The following APOB variants were observed in gnomAD, a reference collection of about 807,000 sequenced individuals.
APOB encodes apolipoprotein B, also known as apolipoprotein B-100.
In APOB, 153 loss-of-function variants were observed where a neutral mutation model predicts 314.1. The observed-to-expected ratio is 0.49, with a 90% CI of 0.43 to 0.56. The LOEUF (loss-of-function observed/expected upper bound fraction) is 0.56, where lower values mean the gene tolerates loss of function less well. APOB is among the 20% of genes least tolerant of loss of function. APOB has a pLI of 0.00. For missense variants in APOB, 5,430 were observed against 5,350.7 expected (o/e 1.01, Z -0.46); for synonymous variants, 2,087 against 2,036.4 (o/e 1.02, Z -0.67).
At chr2:21,029,538 G>T in intron 12 of APOB, 101 bp downstream of exon 12, 1 of 1,333,640 alleles carries the variant, frequency 7.5e-7, no homozygotes, top group Non-Finnish European at 1.1e-6. Flanking sequence ...AGAAACAGCA[G>T]AATAAAGTCA....
At position 21,012,554 on chromosome 2, in the gene APOB, A is replaced by C; in HGVS notation, c.4314T>G (p.Ser1438Arg). ...GGTTGTTTCCAAGTTTTTCTACATGACTGAATTTGATATTCGAATCTAGAA... is the reference window on the plus strand; with the variant it reads ...GGTTGTTTCCAAGTTTTTCTACATGCCTGAATTTGATATTCGAATCTAGAA... Reference protein sequence around the residue: ...HKFLDSNIKFSHVEKLGNNPV... With the variant: ...HKFLDSNIKFRHVEKLGNNPV... The change falls in exon 26 of 29, where the codon AGT (serine) becomes AGG (arginine). Residue 1438 changes from serine (S) to arginine (R), a missense_variant. By Grantham distance (110) the Ser-to-Arg change is moderately radical. Around this residue, in one of 3 missense-constraint regions of APOB, gnomAD observed 2,085 missense variants for 2,079.7 expected, o/e 1.00. Coordinates refer to ENST00000233242, the MANE Select transcript of APOB (RefSeq NM_000384.3). The C allele has an allele frequency of 6.2e-7, 1 of 1,614,182 alleles. No individual in the cohort carries two copies. Among genetic ancestry groups the C allele is most frequent in the Non-Finnish European group, 8.5e-7 (1 of 1,180,008 alleles).
At chr2:21,013,833 AT>A (rs1269609535) in intron 24 of APOB, among the ~76,000 whole-genome samples, 1 of 152,222 alleles carries the variant, frequency 6.6e-6, no homozygotes, top group East Asian at 1.9e-4. Flanking sequence ...AGAGCATGTC[AT>A]AATTTTGCTT....
Position 21,002,209 on chromosome 2 carries a change from C to A in APOB, c.13213G>T (p.Glu4405Ter). ...TTCTTGATCAGACTGACTATCTTTT[C>A]TTCAAGTTCATAATATTTCACTGTC... is the stretch of plus-strand genomic sequence containing the variant. Reference protein sequence around the residue: ...GWTVKYYELEEKIVSLIKNLL... With the variant: ...GWTVKYYELE The change falls in exon 29 of 29, where the codon GAA becomes TAA. Residue 4405 changes from glutamate to a stop codon, truncating the protein, a stop_gained. Coordinates refer to ENST00000233242, the MANE Select transcript of APOB (RefSeq NM_000384.3). LOFTEE classifies it low-confidence loss of function (END_TRUNC). 6.2e-7 allele frequency: 1 copy of A among 1,613,922 alleles called. No individual in the cohort carries two copies. The highest frequency in any genetic ancestry group is 8.5e-7 in the Non-Finnish European group (1 of 1,179,962).
chr2:21,026,082 A>G (rs1014612045), intron 15 of APOB, among the ~76,000 whole-genome samples: 1 of 152,238 alleles, frequency 6.6e-6, no homozygotes, highest in Non-Finnish European at 1.5e-5. Flanking sequence ...TGTGCTTGGC[A>G]TTTTAGATGC....
intron 15 of APOB, among the ~76,000 whole-genome samples, chr2:21,026,352 A>G (rs1219735107): frequency 6.6e-6 from 1 of 151,832 alleles, no homozygotes; most frequent in Non-Finnish European, 1.5e-5. Context: ...GGTTCAAGCA[A>G]TTCTCCTGTC....
chr2:21,040,098 A>C (rs1387434161), intron 4 of APOB, among the ~76,000 whole-genome samples: 1 of 151,974 alleles, frequency 6.6e-6, no homozygotes, highest in Non-Finnish European at 1.5e-5. Context: ...GTGTCGGGAG[A>C]TCTGATGGTT....
rs753975855 is a variant in APOB at position 21,035,661 on chromosome 2, G to A, written c.741C>T (p.Tyr247=). Residue 247 remains tyrosine (Y), a synonymous_variant, in exon 7 of 29, where the codon TAC becomes TAT. Coordinates refer to ENST00000233242, the MANE Select transcript of APOB (RefSeq NM_000384.3). ...TLISSSQSCQ[Y]TLDAKRKHVA... is the part of the protein sequence containing the mutation. ...CATGCTTCCTCTTAGCGTCCAGTGT[G>A]TACTGACAGGACTGGCTGCTGCTGA... is the stretch of plus-strand genomic sequence containing the variant. 6.8e-6 allele frequency: 11 copies of A among 1,613,966 alleles called. No homozygotes were observed. Among genetic ancestry groups the A allele is most frequent in the African/African-American group, 1.3e-5 (1 of 74,950 alleles).
chr2:21,043,985 C>A lies in APOB; in HGVS notation c.-40G>T, dbSNP rs945871379. On this transcript the variant is annotated 5_prime_UTR_variant, in exon 1 of 29. Transcript: ENST00000233242. ...GGGCGGCTCCTGGGCTGCGGCCTGGCCTCGGCCTCGCGGCCCTGGCTGGCT... is the reference window on the plus strand; with the variant it reads ...GGGCGGCTCCTGGGCTGCGGCCTGGACTCGGCCTCGCGGCCCTGGCTGGCT... 1.6e-5 allele frequency: 18 copies of A among 1,107,396 alleles called. No individual in the cohort carries two copies. The highest frequency in any genetic ancestry group is 2.1e-5 in the Non-Finnish European group (18 of 876,790). The allele number at this position is 1,107,396 out of a possible 1,614,324, so 68.6% of individuals were successfully genotyped here.
At position 21,032,448 on chromosome 2, in the gene APOB, C is replaced by T. The variant is rs192004342; in HGVS notation, c.1258G>A (p.Glu420Lys). Residue 420 changes from glutamate to lysine, a missense_variant, in exon 10 of 29, where the codon GAG becomes AAG. Glu to Lys is a moderately conservative substitution (Grantham distance 56). This residue lies in a region of APOB where 2,085 missense variants were observed against 2,079.7 expected (regional missense o/e 1.00). Coordinates refer to ENST00000233242, the MANE Select transcript of APOB (RefSeq NM_000384.3). Reference sequence around the variant, plus strand: ...TCTCGCAGCTGCTGTGCTGAGGGCTCGGGGATCAGGGCCACCAGGTAGGTG... The same window carrying T: ...TCTCGCAGCTGCTGTGCTGAGGGCTTGGGGATCAGGGCCACCAGGTAGGTG... ...VVTYLVALIP[E>K]PSAQQLREIF... The T allele has an allele frequency of 4.0e-5, 64 of 1,613,982 alleles. No individual in the cohort carries two copies. In the Middle Eastern group the frequency reaches 4.9e-4, roughly 12 times the overall value.
chr2:21,009,088 G>A lies in APOB; in HGVS notation c.7780C>T (p.Leu2594Phe). 6.2e-7 allele frequency: 1 copy of A among 1,614,060 alleles called. No homozygotes were observed. The highest frequency in any genetic ancestry group is 8.5e-7 in the Non-Finnish European group (1 of 1,179,950). ...GFTVPEIKTI[L>F]GTMPAFEVSL... Reference sequence around the variant, plus strand: ...ACTTCAAAGGCAGGCATGGTCCCAAGGATGGTCTTGATTTCAGGAACAGTG... The same window carrying A: ...ACTTCAAAGGCAGGCATGGTCCCAAAGATGGTCTTGATTTCAGGAACAGTG... The change falls in exon 26 of 29, where the codon CTT (leucine) becomes TTT (phenylalanine). Residue 2594 changes from leucine to phenylalanine, a missense_variant. Physicochemically the swap from Leu to Phe is conservative, Grantham distance 22 (BLOSUM62 0). Around this residue, in one of 3 missense-constraint regions of APOB, gnomAD observed 3,281 missense variants for 3,171.0 expected, o/e 1.03. Transcript: ENST00000233242.
Position 21,029,680 on chromosome 2 carries a change from C to A in APOB, c.1576G>T (p.Ala526Ser). 1 of 1,614,206 alleles carries A rather than the reference C, an allele frequency of 6.2e-7. No homozygotes were observed. The highest frequency in any genetic ancestry group is 8.5e-7 in the Non-Finnish European group (1 of 1,180,040). The stretch of plus-strand genomic sequence containing the variant: ...ATTTTCCGCAGAGCCTGGATGGCAG[C>A]TTTCTGGATCATCAGTGATGGCTTT... ...STKPSLMIQK[A>S]AIQALRKMEP... The change falls in exon 12 of 29, where the codon GCT (alanine) becomes TCT (serine). Residue 526 changes from alanine (A) to serine (S), a missense_variant. Coordinates refer to ENST00000233242, the MANE Select transcript of APOB (RefSeq NM_000384.3).
At chr2:21,023,119 C>CA in intron 17 of APOB, 77 bp from the exon 18 acceptor site, 5 of 1,265,676 alleles carry the variant, frequency 4.0e-6, no homozygotes, top group Non-Finnish European at 5.8e-6. Flanking sequence ...CACCCTTTCT[C>CA]ACCTCCGGGC....
Position 21,007,848 on chromosome 2 carries a change from A to G in APOB, c.9020T>C (p.Met3007Thr), listed in dbSNP as rs369430233. The G allele has an allele frequency of 3.7e-6, 6 of 1,613,980 alleles. No individual in the cohort carries two copies. Among genetic ancestry groups the G allele is most frequent in the Non-Finnish European group, 5.1e-6 (6 of 1,179,972 alleles). The change falls in exon 26 of 29, where the codon ATG becomes ACG. Residue 3007 changes from methionine to threonine, a missense_variant. This residue lies in a region of APOB where 3,281 missense variants were observed against 3,171.0 expected (regional missense o/e 1.03). Transcript: ENST00000233242. ...VGHSVLTAKG[M>T]ALFGEGKAEF... is the part of the protein sequence containing the mutation. The stretch of plus-strand genomic sequence containing the variant: ...TGCCTTCCCTTCTCCAAACAGTGCC[A>G]TGCCTTTAGCAGTTAGAACACTGTG...
Position 21,008,030 on chromosome 2 carries a change from A to C in APOB, c.8838T>G (p.Ile2946Met). Residue 2946 changes from isoleucine to methionine, a missense_variant, in exon 26 of 29, where the codon ATT becomes ATG. By Grantham distance (10) the Ile-to-Met change is conservative. Transcript: ENST00000233242. Reference sequence around the variant, plus strand: ...TGAGGGGTCCTTCTATGGTGAAACTAATTTGTGATTCATGTGTTCCCTCAT... The same window carrying C: ...TGAGGGGTCCTTCTATGGTGAAACTCATTTGTGATTCATGTGTTCCCTCAT... ...FSDEGTHESQ[I>M]SFTIEGPLTS... The C allele has an allele frequency of 6.2e-7, 1 of 1,614,060 alleles. No homozygotes were observed. Among genetic ancestry groups the C allele is most frequent in the South Asian group, 1.1e-5 (1 of 91,074 alleles).
Position 21,001,442 on chromosome 2 carries a change from A to C in APOB, c.*288T>G. The C allele has an allele frequency of 2.6e-6, 1 of 390,572 alleles. No individual in the cohort carries two copies. Among genetic ancestry groups the C allele is most frequent in the Non-Finnish European group, 4.7e-6 (1 of 214,626 alleles). The allele number at this position is 390,572 out of a possible 1,614,324, so 24.2% of individuals were successfully genotyped here. A position where few individuals can be genotyped will look rare whatever the true frequency, so the allele number is the denominator to read the frequency against. The stretch of plus-strand genomic sequence containing the variant: ...CACATTCAGTGGTATGATACACAAT[A>C]AAGACTCCATTTATTTGTTCCTCCT... On this transcript the variant is annotated 3_prime_UTR_variant, in exon 29 of 29. Coordinates refer to ENST00000233242, the MANE Select transcript of APOB (RefSeq NM_000384.3).
intron 20 of APOB, among the ~76,000 whole-genome samples, chr2:21,017,089 T>G (rs1663498167): frequency 6.6e-6 from 1 of 151,690 alleles, no homozygotes; most frequent in African/African-American, 2.4e-5. Context: ...GTAGAGAAAC[T>G]CCAAGGAATC....
At chr2:21,024,566 C>T (rs908455611) in intron 16 of APOB, 15 of 425,274 alleles carry the variant, frequency 3.5e-5, no homozygotes, top group Non-Finnish European at 4.9e-5. Flanking sequence ...TGCAGTGAGC[C>T]GAGATTGTAT....
chr2:21,018,818 T>C (rs1048820162), intron 20 of APOB, among the ~76,000 whole-genome samples, 174 bp downstream of exon 20: 3 of 152,194 alleles, frequency 2.0e-5, no homozygotes, highest in South Asian at 4.1e-4. Context: ...GGTCTTAGAA[T>C]AGGCCTGCCG....
chr2:21,021,083 G>A (rs1031966224), intron 18 of APOB, among the ~76,000 whole-genome samples: 3 of 152,164 alleles, frequency 2.0e-5, no homozygotes, highest in Non-Finnish European at 2.9e-5. Flanking sequence ...CAGATCCATA[G>A]GTCTATTTGA....
Sources: allele counts gnomAD v4.1 joint callset (sites outside exome capture counted in the v4.1 genomes callset), GRCh38; gene constraint gnomAD v4.1.1; regional missense constraint gnomAD v4.1.1; transcripts MANE v1.5; gene names NCBI Gene and HGNC (gene_info 2026-07-23, HGNC 2026-07-21).